The following LYPD6 variants were observed in gnomAD, a reference collection of about 807,000 sequenced individuals.
The protein encoded by LYPD6 is LY6/PLAUR domain containing 6.
LYPD6 carries 15 observed loss-of-function variants against 22.7 expected under a neutral mutation model. The observed-to-expected ratio is 0.66, with a 90% CI of 0.44 to 1.02. LYPD6 has a LOEUF of 1.02. Ranked by LOEUF, LYPD6 falls within the 50% of genes least tolerant of loss-of-function variation. LYPD6 has a pLI of 0.00. For missense variants in LYPD6, 189 were observed against 208.4 expected (o/e 0.91, Z 0.57); for synonymous variants, 72 against 77.5 (o/e 0.93, Z 0.37).
At chr2:149,366,336 G>T (rs1681664498) in intron 1 of LYPD6, among the ~76,000 whole-genome samples, 1 of 152,120 alleles carries the variant, frequency 6.6e-6, no homozygotes, top group African/African-American at 2.4e-5. Flanking sequence ...GTGTTCACAG[G>T]CAGGAAAACA....
chr2:149,484,089 G>T, the LYPD6 span, among the ~76,000 whole-genome samples: 31 of 152,208 alleles, frequency 2.0e-4, no homozygotes, highest in South Asian at 2.1e-4. Context: ...AACGTTAATA[G>T]ATTTGTGTAT....
At chr2:149,411,446 A>C (rs567414899) in intron 1 of LYPD6, among the ~76,000 whole-genome samples, 1 of 152,146 alleles carries the variant, frequency 6.6e-6, no homozygotes, top group Admixed American at 6.5e-5. Context: ...CATTTACTCC[A>C]TTTGCCTGGG....
chr2:149,332,530 A>G (rs1195297489), intron 1 of LYPD6, among the ~76,000 whole-genome samples: 1 of 152,238 alleles, frequency 6.6e-6, no homozygotes, highest in Non-Finnish European at 1.5e-5. Context: ...GTCTGAGGAA[A>G]TCATATCTTT....
At chr2:149,436,035 A>G (rs1027553025) in intron 1 of LYPD6, among the ~76,000 whole-genome samples, 1 of 152,176 alleles carries the variant, frequency 6.6e-6, no homozygotes, top group Non-Finnish European at 1.5e-5. Context: ...GCACCCTATA[A>G]ACAATTGGGT....
In LYPD6 at chr2:149,470,680, C is replaced by A. The variant is rs1184429521; in HGVS notation, c.349-3C>A. Reference sequence around the variant, plus strand: ...ATTATCTTTTTTTCTTCCTTTCTTTCAGGTCTGCACTTCTTGTTGTGAAGG... The same window carrying A: ...ATTATCTTTTTTTCTTCCTTTCTTTAAGGTCTGCACTTCTTGTTGTGAAGG... On this transcript the variant is annotated splice_region_variant and splice_polypyrimidine_tract_variant and intron_variant, in intron 4 of 4. Coordinates refer to ENST00000334166, the MANE Select transcript of LYPD6 (RefSeq NM_194317.5). 1 of 1,608,294 alleles carries A rather than the reference C, an allele frequency of 6.2e-7. No homozygotes were observed. The highest frequency in any genetic ancestry group is 8.5e-7 in the Non-Finnish European group (1 of 1,175,686).
At chr2:149,443,539 T>C (rs1345364244) in intron 2 of LYPD6, among the ~76,000 whole-genome samples, 1 of 152,190 alleles carries the variant, frequency 6.6e-6, no homozygotes, top group Non-Finnish European at 1.5e-5. Flanking sequence ...CCACTTCAAA[T>C]TTTACAAGCT....
At chr2:149,454,014 A>G (rs1410423873) in intron 3 of LYPD6, among the ~76,000 whole-genome samples, 1 of 152,224 alleles carries the variant, frequency 6.6e-6, no homozygotes, top group South Asian at 2.1e-4. Flanking sequence ...TCCTTTCTGG[A>G]GAATTCATTT....
chr2:149,352,520 C>T (rs555297305), intron 1 of LYPD6, among the ~76,000 whole-genome samples: 35 of 152,216 alleles, frequency 2.3e-4, no homozygotes, highest in African/African-American at 7.5e-4. Context: ...CCCCCTTCAT[C>T]GGAGGTGTTC....
At chr2:149,462,852 A>G (rs1373060812) in intron 3 of LYPD6, among the ~76,000 whole-genome samples, 1 of 152,064 alleles carries the variant, frequency 6.6e-6, no homozygotes, top group Non-Finnish European at 1.5e-5. Context: ...TCACAGGCAA[A>G]AAATGAATCT....
At chr2:149,330,821 T>G (rs1028153327) in intron 1 of LYPD6, 99 bp downstream of exon 1, 2 of 152,172 alleles carry the variant, frequency 1.3e-5, no homozygotes, top group Non-Finnish European at 2.9e-5. Context: ...GGGAGTGCGC[T>G]GAGTCCCTGG....
chr2:149,450,660 G>T (rs1470063786), intron 3 of LYPD6, among the ~76,000 whole-genome samples: 1 of 152,110 alleles, frequency 6.6e-6, no homozygotes, highest in Non-Finnish European at 1.5e-5. Flanking sequence ...TTTCCAAATG[G>T]GCCAGTATTT....
intron 1 of LYPD6, among the ~76,000 whole-genome samples, chr2:149,346,580 A>G (rs1184981877): frequency 6.6e-6 from 1 of 152,168 alleles, no homozygotes; most frequent in African/African-American, 2.4e-5. Flanking sequence ...CTTAGTTTGC[A>G]TTTGTTCTGT....
chr2:149,480,619 C>T, the LYPD6 span, among the ~76,000 whole-genome samples: 2 of 152,132 alleles, frequency 1.3e-5, no homozygotes, highest in African/African-American at 2.4e-5. Flanking sequence ...CTCCTTCTAG[C>T]TCTAAGTTCC....
At chr2:149,355,194 A>G (rs537304308) in intron 1 of LYPD6, among the ~76,000 whole-genome samples, 1 of 152,296 alleles carries the variant, frequency 6.6e-6, no homozygotes, top group East Asian at 1.9e-4. Flanking sequence ...GCCCAAGAGA[A>G]CTACCATCAG....
At chr2:149,468,048 G>A (rs144242619) in intron 3 of LYPD6, among the ~76,000 whole-genome samples, 43 of 151,556 alleles carry the variant, frequency 2.8e-4, no homozygotes, top group East Asian at 1.8e-3. Flanking sequence ...TTCAGTCTTC[G>A]TCTGTAATGC....
At chr2:149,373,903 G>A (rs1471728851) in intron 1 of LYPD6, among the ~76,000 whole-genome samples, 1 of 152,188 alleles carries the variant, frequency 6.6e-6, no homozygotes, top group Admixed American at 6.5e-5. Context: ...GAAAGACATT[G>A]AAGATAGAAA....
intron 1 of LYPD6, among the ~76,000 whole-genome samples, chr2:149,397,460 G>A (rs1179675581): frequency 6.6e-6 from 1 of 152,180 alleles, no homozygotes; most frequent in African/African-American, 2.4e-5. Flanking sequence ...TGGTGTAGCA[G>A]TGCTTCAACC....
chr2:149,399,443 A>C (rs1449946481), intron 1 of LYPD6, among the ~76,000 whole-genome samples: 2 of 152,056 alleles, frequency 1.3e-5, no homozygotes, highest in African/African-American at 4.8e-5. Context: ...TTGATACTTA[A>C]ATAGGATTGG....
upstream of LYPD6, chr2:149,330,564 C>T (rs531316023): frequency 6.6e-6 from 1 of 150,846 alleles, no homozygotes; most frequent in Non-Finnish European, 1.5e-5. Flanking sequence ...CTAGCCGCCC[C>T]CCGCCTCTCC....
Sources: gnomAD v4.1 joint callset for allele counts (sites outside exome capture counted in the v4.1 genomes callset) on GRCh38, gnomAD v4.1.1 for gene constraint, MANE v1.5 for transcripts, NCBI Gene and HGNC (gene_info 2026-07-23, HGNC 2026-07-21) for gene names.